The following MUSK variants were observed in gnomAD, a reference collection of about 807,000 sequenced individuals.
The protein encoded by MUSK is muscle associated receptor tyrosine kinase.
A neutral mutation model predicts 88.7 loss-of-function variants in MUSK; 55 were observed. That is an observed-to-expected ratio of 0.62 (90% CI 0.50 to 0.78). The LOEUF is 0.78. MUSK is among the 30% of genes least tolerant of loss of function. The probability of loss-of-function intolerance (pLI) is 0.00; values close to 1 mark genes in which losing one functional copy is unlikely to be tolerated. For missense variants in MUSK, 1,015 were observed against 1,074.3 expected, an observed-to-expected ratio of 0.94 and a Z score of 0.77; for synonymous variants, 387 against 391.9, an observed-to-expected ratio of 0.99 and a Z score of 0.15.
chr9:110,754,575 G>T (rs890957274), intron 7 of MUSK, among the ~76,000 whole-genome samples: 3 of 152,148 alleles, frequency 2.0e-5, no homozygotes, highest in Admixed American at 6.6e-5. Context: ...ATTCTCTTTT[G>T]CATTGGCTTA....
At chr9:110,797,974 T>A (rs1482473149) in intron 14 of MUSK, among the ~76,000 whole-genome samples, 1 of 152,216 alleles carries the variant, frequency 6.6e-6, no homozygotes, top group African/African-American at 2.4e-5. Flanking sequence ...TGCTTATACA[T>A]CACTACTTGG....
At chr9:110,766,822 G>T (rs2077491980) in intron 8 of MUSK, among the ~76,000 whole-genome samples, 1 of 152,188 alleles carries the variant, frequency 6.6e-6, no homozygotes, top group Admixed American at 6.5e-5. Context: ...CACTATGGAA[G>T]ATCTGATAGA....
At chr9:110,685,394 C>T (rs555928270) in intron 2 of MUSK, among the ~76,000 whole-genome samples, 1 of 152,176 alleles carries the variant, frequency 6.6e-6, no homozygotes, top group African/African-American at 2.4e-5. Context: ...GGCCAATAAT[C>T]CCAAATCATC....
At chr9:110,690,481 A>AATATAAGTATATATAAAT (rs2076331473) in intron 3 of MUSK, among the ~76,000 whole-genome samples, 1 of 26,318 alleles carries the variant, frequency 3.8e-5, no homozygotes, top group African/African-American at 3.1e-4. Context: ...TATATATATA[A>AATATAAGTATATATAAAT]ATATATATTT....
At chr9:110,677,931 A>G (rs2076052782) in intron 1 of MUSK, among the ~76,000 whole-genome samples, 1 of 152,036 alleles carries the variant, frequency 6.6e-6, no homozygotes, top group Non-Finnish European at 1.5e-5. Flanking sequence ...TTATCCTTAT[A>G]TTTTTGCAAG....
At chr9:110,677,909 T>C (rs1031767058) in intron 1 of MUSK, among the ~76,000 whole-genome samples, 1 of 152,220 alleles carries the variant, frequency 6.6e-6, no homozygotes, top group Non-Finnish European at 1.5e-5. Context: ...TTTAAAGGAC[T>C]TTTCTATTAA....
intron 5 of MUSK, among the ~76,000 whole-genome samples, chr9:110,704,893 G>T (rs1476637185): frequency 6.6e-6 from 1 of 150,850 alleles, no homozygotes; most frequent in Non-Finnish European, 1.5e-5. Flanking sequence ...GCTGAGGCAG[G>T]AAAATCACTT....
intron 1 of MUSK, among the ~76,000 whole-genome samples, chr9:110,676,351 ATATATT>A (rs2076029221): frequency 2.1e-5 from 3 of 139,852 alleles, no homozygotes; most frequent in African/African-American, 7.9e-5. Flanking sequence ...CACATATATT[ATATATT>A]ATATATTATA....
intron 3 of MUSK, among the ~76,000 whole-genome samples, chr9:110,690,220 GTATAAATATATATTTAAGTATA>G (rs1564219488): frequency 5.6e-5 from 3 of 53,186 alleles, no homozygotes; most frequent in African/African-American, 1.3e-4. Context: ...ATATATTTAA[GTATAAATATATATTTAAGTATA>G]TATAAATATA....
chr9:110,756,751 A>G (rs1271985988), intron 7 of MUSK, among the ~76,000 whole-genome samples: 2 of 152,082 alleles, frequency 1.3e-5, no homozygotes, highest in Non-Finnish European at 2.9e-5. Flanking sequence ...TGAGAACCAA[A>G]GCTATTTGTC....
chr9:110,739,677 G>A (rs1268511530), intron 6 of MUSK, among the ~76,000 whole-genome samples: 10 of 152,136 alleles, frequency 6.6e-5, no homozygotes, highest in Admixed American at 6.6e-4. Context: ...AGCACCTCGA[G>A]CCCATTGAGT....
At chr9:110,723,418 T>C (rs1374408706) in intron 5 of MUSK, among the ~76,000 whole-genome samples, 1 of 151,878 alleles carries the variant, frequency 6.6e-6, no homozygotes, top group Non-Finnish European at 1.5e-5. Flanking sequence ...GGAGCTAAGA[T>C]AATGAGGATG....
At chr9:110,752,986 C>G (rs1161489147) in intron 7 of MUSK, among the ~76,000 whole-genome samples, 1 of 152,166 alleles carries the variant, frequency 6.6e-6, no homozygotes, top group African/African-American at 2.4e-5. Flanking sequence ...GCAAAGTAAA[C>G]TTGCCAGGAT....
chr9:110,768,151 G>A (rs1038386393), intron 9 of MUSK, 68 bp downstream of exon 9: 39 of 1,450,666 alleles, frequency 2.7e-5, no homozygotes, highest in Non-Finnish European at 3.3e-5. Context: ...AGGAGTTTTT[G>A]AAAAATGTTG....
chr9:110,708,099 T>A (rs1350046240), intron 5 of MUSK, among the ~76,000 whole-genome samples: 2 of 127,824 alleles, frequency 1.6e-5, no homozygotes, highest in African/African-American at 2.8e-5. Context: ...TTCCTATCTA[T>A]CTATCTATCT....
chr9:110,690,833 T>A, intron 3 of MUSK, among the ~76,000 whole-genome samples: 1 of 127,836 alleles, frequency 7.8e-6, no homozygotes, highest in African/African-American at 3.2e-5. Flanking sequence ...TATAAATATA[T>A]ATAAATATAA....
At chr9:110,689,783 A>AAC in intron 3 of MUSK, among the ~76,000 whole-genome samples, 1 of 57,362 alleles carries the variant, frequency 1.7e-5, no homozygotes, top group African/African-American at 6.6e-5. Context: ...CATATAGTTT[A>AAC]TATATTTTTT....
At chr9:110,677,562 G>T (rs968490426) in intron 1 of MUSK, among the ~76,000 whole-genome samples, 4 of 152,106 alleles carry the variant, frequency 2.6e-5, no homozygotes, top group Non-Finnish European at 5.9e-5. Flanking sequence ...TTTTATAAAT[G>T]TTTGTGTTTT....
intron 11 of MUSK, among the ~76,000 whole-genome samples, chr9:110,783,777 A>C (rs2077804683): frequency 6.6e-6 from 1 of 151,568 alleles, no homozygotes; most frequent in African/African-American, 2.4e-5. Flanking sequence ...TGTTCAGTTC[A>C]TTTACTTTCA....
Sources: gnomAD v4.1 joint callset for allele counts (sites outside exome capture counted in the v4.1 genomes callset) on GRCh38, gnomAD v4.1.1 for gene constraint, MANE v1.5 for transcripts, NCBI Gene and HGNC (gene_info 2026-07-23, HGNC 2026-07-21) for gene names.